Variants in PSG7 observed in about 807,000 individuals in gnomAD.
The protein encoded by PSG7 is pregnancy specific beta-1-glycoprotein 7, also known as pregnancy-specific beta-1-glycoprotein 7.
PSG7 carries 57 observed loss-of-function variants against 45.6 expected under a neutral mutation model. The ratio of observed to expected loss-of-function variants is 1.25; its 90% CI spans 1.01 to 1.56. PSG7 has a LOEUF of 1.56. Ranked by LOEUF, PSG7 falls within the 40% of genes most tolerant of loss-of-function variation. The pLI, the probability that PSG7 is intolerant of heterozygous loss-of-function variation, is 0.00. For synonymous variants in PSG7, 298 were observed against 194.4 expected (o/e 1.53, Z -4.43); for missense variants, 796 against 508.4 (o/e 1.57, Z -5.44).
At position 42,925,932 on chromosome 19, in the gene PSG7, C is replaced by A; in HGVS notation, c.1084G>T (p.Ala362Ser). The change falls in exon 5 of 6, where the codon GCA becomes TCA. Residue 362 changes from alanine (A) to serine (S), a missense_variant. Transcript: ENST00000406070. ...CCATTAATTGTCCAAGAATACTGTG[C>A]CGGTGGGTTAGAGTCCGCAAAGCAG... ...LSCFADSNPPAQYSWTINGKF... is the reference protein window; with the variant it reads ...LSCFADSNPPSQYSWTINGKF... 1 of 1,612,156 alleles carries A rather than the reference C, an allele frequency of 6.2e-7. No individual in the cohort carries two copies. The highest frequency in any genetic ancestry group is 1.1e-5 in the South Asian group (1 of 90,620).
chr19:42,924,615 C>A lies in PSG7; in HGVS notation c.*193G>T, dbSNP rs1972486239. The A allele has an allele frequency of 7.7e-6, 5 of 652,106 alleles. No individual in the cohort carries two copies. The East Asian group carries it at 1.3e-4, about 17-fold the overall frequency. The allele number at this position is 652,106 out of a possible 1,614,324, so 40.4% of individuals were successfully genotyped here. A position where few individuals can be genotyped will look rare whatever the true frequency, so the allele number is the denominator to read the frequency against. On this transcript the variant is annotated 3_prime_UTR_variant, in exon 6 of 6. Transcript: ENST00000406070. ...GTCATCAACTTGTTTTCCTTGTTTA[C>A]AGTTTGAGCAGCTGTTGTTATGGTG...
Position 42,926,148 on chromosome 19 carries a change from C to G in PSG7, c.989-121G>C, listed in dbSNP as rs1320639053. The G allele has an allele frequency of 6.7e-6, 10 of 1,484,464 alleles. No homozygotes were observed. The East Asian group carries it at 2.3e-4, about 34-fold the overall frequency. 92.0% of individuals were successfully genotyped at this position (1,484,464 alleles called of 1,614,324 possible). ...CACACCCTCAAGTGACAGCCAAATC[C>G]CCTCTATGTTCACTGAGCCGAAGCC... is the stretch of plus-strand genomic sequence containing the variant. On this transcript the variant is annotated intron_variant, in intron 4 of 5. Transcript: ENST00000406070.
At chr19:42,926,297 G>T (rs1235066751) in intron 4 of PSG7, 141 bp downstream of exon 4, 3 of 1,508,836 alleles carry the variant, frequency 2.0e-6, no homozygotes, top group Middle Eastern at 2.5e-4. Flanking sequence ...AGGGCAGGGA[G>T]TCATGGCCAG....
At chr19:42,930,524 T>C (rs1972997448) in intron 2 of PSG7, among the ~76,000 whole-genome samples, 1 of 151,732 alleles carries the variant, frequency 6.6e-6, no homozygotes, top group South Asian at 2.1e-4. Context: ...TACATGTTGA[T>C]GTTTGCAAAT....
chr19:42,935,863 C>T, intron 1 of PSG7, 94 bp from the exon 2 acceptor site: 4 of 1,402,890 alleles, frequency 2.9e-6, no homozygotes, highest in Non-Finnish European at 1.9e-6. Flanking sequence ...CTTCAATCCT[C>T]AGCCTTGAAG....
intron 2 of PSG7, among the ~76,000 whole-genome samples, chr19:42,930,386 T>C (rs1415897746): frequency 1.3e-5 from 2 of 151,574 alleles, no homozygotes; most frequent in African/African-American, 4.9e-5. Flanking sequence ...AGGAATGACC[T>C]ACAAAGAGTG....
rs1326988825 is a variant in PSG7 at position 42,935,584 on chromosome 19, CTA to C, written c.248_249del (p.Ile83SerfsTer7). ...RDLYHYVTSY[I>X]VDGQIIKYGP... ...CCATATTTAATTATTTGACCGTCTACTATATATGATGTAACATAATGGTAGAG... is the reference window on the plus strand; with the variant it reads ...CCATATTTAATTATTTGACCGTCTACTATATGATGTAACATAATGGTAGAG... On this transcript the variant is annotated frameshift_variant, in exon 2 of 6. Transcript: ENST00000406070. LOFTEE classifies it high-confidence loss of function. 4 of 1,612,070 alleles carry C rather than the reference CTA, an allele frequency of 2.5e-6. No homozygotes were observed. The South Asian group carries it at 4.4e-5, about 18-fold the overall frequency.
At chr19:42,926,795 A>G in intron 3 of PSG7, 79 bp from the exon 4 acceptor site, 1 of 1,574,724 alleles carries the variant, frequency 6.4e-7, no homozygotes. Flanking sequence ...TAGAGTTGGC[A>G]TCTCCCACCT....
Position 42,937,044 on chromosome 19 carries a change from C to T in PSG7, c.33G>A (p.Gln11=). MGPLSAPPCT[Q]HITWKGLLLT... is the part of the protein sequence containing the mutation. ...GCAGGAGCCCTTTCCAGGTTATATGCTGTGTGCAGGGAGGGGCTGAGAGGG... is the reference window on the plus strand; with the variant it reads ...GCAGGAGCCCTTTCCAGGTTATATGTTGTGTGCAGGGAGGGGCTGAGAGGG... The change falls in exon 1 of 6, where the codon CAG becomes CAA. Residue 11 remains glutamine (Q), a synonymous_variant. Coordinates refer to ENST00000406070, the MANE Select transcript of PSG7 (RefSeq NM_002783.3). 1.9e-6 allele frequency: 3 copies of T among 1,611,618 alleles called. No individual in the cohort carries two copies. The highest frequency in any genetic ancestry group is 1.1e-5 in the South Asian group (1 of 90,806).
chr19:42,928,689 A>G (rs779987681), intron 3 of PSG7, among the ~76,000 whole-genome samples: 1 of 150,982 alleles, frequency 6.6e-6, no homozygotes, highest in Non-Finnish European at 1.5e-5. Context: ...CTGAGTTTTG[A>G]TTTTCCCTCT....
intron 2 of PSG7, among the ~76,000 whole-genome samples, chr19:42,933,266 A>T (rs748886495): frequency 0.079 from 1,225 of 15,506 alleles, 88 homozygotes; most frequent in Middle Eastern, 0.14. Flanking sequence ...TCACCATTTC[A>T]ATATATATAT....
In PSG7 at chr19:42,926,462, C is replaced by T. The variant is rs576270742; in HGVS notation, c.964G>A (p.Asp322Asn). The T allele has an allele frequency of 1.9e-5, 30 of 1,611,456 alleles. 1 individual carries two copies. The highest frequency in any genetic ancestry group is 1.1e-4 in the East Asian group (5 of 44,804). Residue 322 changes from aspartate to asparagine, a missense_variant, in exon 4 of 6, where the codon GAC (aspartate) becomes AAC (asparagine). Transcript: ENST00000406070. ...IRDRYGGIRSDPVTLNVLYGP... is the reference protein window; with the variant it reads ...IRDRYGGIRSNPVTLNVLYGP... ...CAGAGGACATTCAGGGTGACTGGGT[C>T]ACTGCGGATGCCACCATATCGGTCC...
At chr19:42,932,647 T>C (rs1973045016) in intron 2 of PSG7, among the ~76,000 whole-genome samples, 2 of 151,550 alleles carry the variant, frequency 1.3e-5, no homozygotes, top group Non-Finnish European at 2.9e-5. Context: ...TCCTCACTCA[T>C]TCCTGGACAT....
chr19:42,934,179 G>C (rs368208517), intron 2 of PSG7, among the ~76,000 whole-genome samples: 1 of 151,448 alleles, frequency 6.6e-6, no homozygotes, highest in Non-Finnish European at 1.5e-5. Flanking sequence ...CAGGTTCAAT[G>C]ATGGGTGTTA....
chr19:42,935,334 C>G, intron 2 of PSG7, 70 bp downstream of exon 2: 1 of 1,562,028 alleles, frequency 6.4e-7, no homozygotes, highest in Non-Finnish European at 8.7e-7. Context: ...CCAGGCCTGA[C>G]AATTCTGTGT....
Position 42,931,762 on chromosome 19 carries a change from C to A in PSG7, c.431-2042G>T, listed in dbSNP as rs147632045. ...ACCTACCTGGCCACCTCGATCTGGTCCCCAAACCACCTGTATTCCCATTAA... is the reference window on the plus strand; with the variant it reads ...ACCTACCTGGCCACCTCGATCTGGTACCCAAACCACCTGTATTCCCATTAA... On this transcript the variant is annotated intron_variant, in intron 2 of 5. Transcript: ENST00000406070. 2.1e-4 allele frequency among the ~76,000 whole-genome samples: 32 copies of A among 151,532 alleles called. 2 individuals carry two copies. The highest frequency in any genetic ancestry group is 6.5e-4 in the African/African-American group (27 of 41,276).
chr19:42,935,915 A>AAAAAC, intron 1 of PSG7, 146 bp from the exon 2 acceptor site: 3 of 322,722 alleles, frequency 9.3e-6, no homozygotes. Flanking sequence ...CACACACACA[A>AAAAAC]ACACACACAC....
chr19:42,926,752 G>A lies in PSG7; in HGVS notation c.710-36C>T, dbSNP rs958131442. ...AACAGAGAGAAGATTGTCCTGTGTG[G>A]CACCTTTGATTCCTCCACAGGCATC... On this transcript the variant is annotated intron_variant, in intron 3 of 5. Transcript: ENST00000406070. 5 of 1,604,544 alleles carry A rather than the reference G, an allele frequency of 3.1e-6. No homozygotes were observed. The African/African-American group carries it at 5.4e-5, about 17-fold the overall frequency.
chr19:42,927,038 C>T lies in PSG7; in HGVS notation c.710-322G>A, dbSNP rs539013844. On this transcript the variant is annotated intron_variant, in intron 3 of 5. Transcript: ENST00000406070. ...TCACTAATGAGTTGACTGGCTGGCT[C>T]ACCCTGGGTTCATTACCTGGAATGT... 35 of 418,276 alleles carry T rather than the reference C, an allele frequency of 8.4e-5. 1 individual carries two copies. Among genetic ancestry groups the T allele is most frequent in the Admixed American group, 6.9e-4 (18 of 26,006 alleles). The allele number at this position is 418,276 out of a possible 1,614,324, so 25.9% of individuals were successfully genotyped here. A position where few individuals can be genotyped will look rare whatever the true frequency, so the allele number is the denominator to read the frequency against.
Sources: allele counts gnomAD v4.1 joint callset (sites outside exome capture counted in the v4.1 genomes callset), GRCh38; gene constraint gnomAD v4.1.1; transcripts MANE v1.5; gene names NCBI Gene and HGNC (gene_info 2026-07-23, HGNC 2026-07-21).